Variants in RFTN1 observed in about 807,000 individuals in gnomAD.
The protein encoded by RFTN1 is raftlin.
A neutral mutation model predicts 46.5 loss-of-function variants in RFTN1; 26 were observed. That is an observed-to-expected ratio of 0.56 (90% CI 0.41 to 0.78). The LOEUF is 0.78. Ranked by LOEUF, RFTN1 falls within the 30% of genes least tolerant of loss-of-function variation. RFTN1 has a pLI of 0.00. For missense variants in RFTN1, 693 were observed against 718.7 expected (o/e 0.96, Z 0.41); for synonymous variants, 261 against 284.2 (o/e 0.92, Z 0.82).
chr3:16,412,127 A>T (rs1358516566), intron 3 of RFTN1, among the ~76,000 whole-genome samples: 1 of 152,198 alleles, frequency 6.6e-6, no homozygotes, highest in Non-Finnish European at 1.5e-5. Context: ...GGCATTACAA[A>T]TTTTTTAGAT....
chr3:16,349,518 G>GT (rs774603449), intron 7 of RFTN1: 1 of 152,174 alleles, frequency 6.6e-6, no homozygotes, highest in Non-Finnish European at 1.5e-5. Flanking sequence ...ATGAGATGAG[G>GT]TATGTGAACT....
intron 2 of RFTN1, among the ~76,000 whole-genome samples, chr3:16,476,129 A>C (rs1204138525): frequency 6.6e-6 from 1 of 152,192 alleles, no homozygotes; most frequent in Non-Finnish European, 1.5e-5. Flanking sequence ...TGGGGCGAGG[A>C]CTGTGCAAAC....
chr3:16,379,072 G>A (rs199647125), intron 4 of RFTN1, among the ~76,000 whole-genome samples: 3 of 152,188 alleles, frequency 2.0e-5, no homozygotes, highest in East Asian at 1.9e-4. Flanking sequence ...TAAATAAGGC[G>A]GTGCAGACCT....
rs2071541002 is a variant in RFTN1, at chr3:16,344,919, T to C, written c.1146+13013A>G. ...ACTGATTTAATATACTTCAGTTCTC[T>C]CTGGAGAACCATTTGCCCTCTCTTC... is the stretch of plus-strand genomic sequence containing the variant. On this transcript the variant is annotated intron_variant, in intron 7 of 9. Coordinates refer to ENST00000334133, the MANE Select transcript of RFTN1 (RefSeq NM_015150.2). This position sits in a 1 kb window ranked among gnomAD's most constrained non-coding sequence, Gnocchi z 4.4. Among the ~76,000 whole-genome samples the C allele has an allele frequency of 1.3e-5, 2 of 152,234 alleles. No homozygotes were observed. The highest frequency in any genetic ancestry group is 4.8e-5 in the African/African-American group (2 of 41,456).
At chr3:16,487,315 G>A (rs923439851) in intron 2 of RFTN1, among the ~76,000 whole-genome samples, 5 of 152,178 alleles carry the variant, frequency 3.3e-5, no homozygotes, top group Non-Finnish European at 7.3e-5. Flanking sequence ...ATGAACCTAA[G>A]GGCAAATCTT....
chr3:16,345,788 CTGTGTGTG>C lies in RFTN1; in HGVS notation c.1146+12136_1146+12143del, dbSNP rs370820242. ...TGAGCCAAAACCTTATAATAAATCT[CTGTGTGTG>C]TGTGTGTGTGTGTGTGTGTGTGCGC... On this transcript the variant is annotated intron_variant, in intron 7 of 9. Coordinates refer to ENST00000334133, the MANE Select transcript of RFTN1 (RefSeq NM_015150.2). This position sits in a 1 kb window ranked among gnomAD's most constrained non-coding sequence, Gnocchi z 5.2. 2.6e-4 allele frequency among the ~76,000 whole-genome samples: 33 copies of C among 127,174 alleles called. No individual in the cohort carries two copies. Among genetic ancestry groups the C allele is most frequent in the Non-Finnish European group, 3.4e-4 (20 of 58,644 alleles). The allele number at this position is 127,174 out of a possible 152,430, so 83.4% of individuals were successfully genotyped here. A position where few individuals can be genotyped will look rare whatever the true frequency, so the allele number is the denominator to read the frequency against.
Position 16,384,123 on chromosome 3 carries a change from T to C in RFTN1, c.442-6021A>G, listed in dbSNP as rs912219736. Among the ~76,000 whole-genome samples, 3 of 152,234 alleles carry C rather than the reference T, an allele frequency of 2.0e-5. No homozygotes were observed. Among genetic ancestry groups the C allele is most frequent in the African/African-American group, 7.2e-5 (3 of 41,470 alleles). On this transcript the variant is annotated intron_variant, in intron 4 of 9. Coordinates refer to ENST00000334133, the MANE Select transcript of RFTN1 (RefSeq NM_015150.2). This position sits in a 1 kb window ranked among gnomAD's most constrained non-coding sequence, Gnocchi z 4.7. ...AGATTTCCCAAAGGAAAAAGAATTC[T>C]GCCTCTGGACTGCAACACAGAAATT...
rs373765238 is a variant in RFTN1 at position 16,419,663 on chromosome 3, T to C, written c.333-10180A>G. On this transcript the variant is annotated intron_variant, in intron 3 of 9. Transcript: ENST00000334133. Reference sequence around the variant, plus strand: ...ACAATGAGCCTGTTGGAGTTAAAAGTTTCCCCTATAGCAAAACTGAAGAAA... The same window carrying C: ...ACAATGAGCCTGTTGGAGTTAAAAGCTTCCCCTATAGCAAAACTGAAGAAA... Among the ~76,000 whole-genome samples, 19 of 152,286 alleles carry C rather than the reference T, an allele frequency of 1.2e-4. No homozygotes were observed. The East Asian group carries it at 1.5e-3, about 12-fold the overall frequency.
intron 2 of RFTN1, among the ~76,000 whole-genome samples, chr3:16,477,470 A>G (rs150736335): frequency 6.4e-4 from 98 of 152,354 alleles, no homozygotes; most frequent in African/African-American, 2.3e-3. Context: ...TTTGATGCTT[A>G]TTTTTAGAGA....
chr3:16,321,504 A>C lies in RFTN1; in HGVS notation c.1332+1872T>G, dbSNP rs921428489. On this transcript the variant is annotated intron_variant, in intron 9 of 9. Coordinates refer to ENST00000334133, the MANE Select transcript of RFTN1 (RefSeq NM_015150.2). The surrounding 1 kb of genome is among the most constrained non-coding windows in gnomAD (Gnocchi z 4.8). ...TCACCAGGGGACACAGGCCTGTGGG[A>C]GTAGGACGCTGACCCTTGTCAGCTG... 5.9e-5 allele frequency among the ~76,000 whole-genome samples: 9 copies of C among 152,080 alleles called. No homozygotes were observed. Among genetic ancestry groups the C allele is most frequent in the Admixed American group, 1.3e-4 (2 of 15,284 alleles).
intron 4 of RFTN1, among the ~76,000 whole-genome samples, chr3:16,404,430 TTTTG>T (rs1328290724): frequency 2.6e-5 from 3 of 114,838 alleles, no homozygotes; most frequent in Non-Finnish European, 5.2e-5. Context: ...TATACATATA[TTTTG>T]TTTTTCTCCT....
At position 16,460,542 on chromosome 3, in the gene RFTN1, C is replaced by T. The variant is rs1383533044; in HGVS notation, c.146-26505G>A. ...TTGGATCAATGACGTCAACAACCAA[C>T]GCCGCTGTCCAAAACCAAAACCTCA... is the stretch of plus-strand genomic sequence containing the variant. On this transcript the variant is annotated intron_variant, in intron 2 of 9. Coordinates refer to ENST00000334133, the MANE Select transcript of RFTN1 (RefSeq NM_015150.2). The surrounding 1 kb of genome is among the most constrained non-coding windows in gnomAD (Gnocchi z 4.8). Among the ~76,000 whole-genome samples the T allele has an allele frequency of 2.6e-5, 4 of 152,130 alleles. No individual in the cohort carries two copies. Among genetic ancestry groups the T allele is most frequent in the South Asian group, 2.1e-4 (1 of 4,822 alleles).
In RFTN1 at chr3:16,353,268, G is replaced by C. The variant is rs1019148012; in HGVS notation, c.1146+4664C>G. Among the ~76,000 whole-genome samples, 4 of 152,168 alleles carry C rather than the reference G, an allele frequency of 2.6e-5. No homozygotes were observed. Among genetic ancestry groups the C allele is most frequent in the Non-Finnish European group, 5.9e-5 (4 of 68,022 alleles). The stretch of plus-strand genomic sequence containing the variant: ...AAAGGGTGGGGAAAAGAAGTAGCTG[G>C]GTCTCAAGGGTAGAAGACGTGAGAG... On this transcript the variant is annotated intron_variant, in intron 7 of 9. Transcript: ENST00000334133. This position sits in a 1 kb window ranked among gnomAD's most constrained non-coding sequence, Gnocchi z 5.4.
chr3:16,402,292 A>G lies in RFTN1; in HGVS notation c.441+7083T>C, dbSNP rs1277664663. Among the ~76,000 whole-genome samples, 1 of 152,144 alleles carries G rather than the reference A, an allele frequency of 6.6e-6. No individual in the cohort carries two copies. The highest frequency in any genetic ancestry group is 2.4e-5 in the African/African-American group (1 of 41,410). ...TCGACGCTTATGTATTAAGTCCTGA[A>G]GACACAACAGTAAGCAGGGTACCCC... On this transcript the variant is annotated intron_variant, in intron 4 of 9. Coordinates refer to ENST00000334133, the MANE Select transcript of RFTN1 (RefSeq NM_015150.2). This position sits in a 1 kb window ranked among gnomAD's most constrained non-coding sequence, Gnocchi z 4.5.
At chr3:16,431,934 C>T (rs537275445) in intron 3 of RFTN1, among the ~76,000 whole-genome samples, 2 of 152,328 alleles carry the variant, frequency 1.3e-5, no homozygotes, top group South Asian at 4.1e-4. Context: ...AGACAGCCTT[C>T]CTGGGAGCAA....
intron 2 of RFTN1, among the ~76,000 whole-genome samples, chr3:16,463,199 A>G (rs1276792971): frequency 6.6e-6 from 1 of 152,146 alleles, no homozygotes; most frequent in African/African-American, 2.4e-5. Flanking sequence ...TCTCTTACAA[A>G]TCTGGGGAAA....
chr3:16,408,239 C>T (rs1559331341), intron 4 of RFTN1, among the ~76,000 whole-genome samples: 1 of 152,228 alleles, frequency 6.6e-6, no homozygotes, highest in Admixed American at 6.5e-5. Context: ...CCAAAGACAC[C>T]CCGTCATCCT....
In RFTN1 at chr3:16,506,243, A is replaced by C. The variant is rs2076803740; in HGVS notation, c.-9+7199T>G. 6.6e-6 allele frequency among the ~76,000 whole-genome samples: 1 copy of C among 152,092 alleles called. No homozygotes were observed. The highest frequency in any genetic ancestry group is 2.4e-5 in the African/African-American group (1 of 41,396). ...GGATAAGGGGGAGGGTGGGCTAGGC[A>C]AGGCAGTGGCAGGTGCAAACAAGCT... On this transcript the variant is annotated intron_variant, in intron 1 of 9. Coordinates refer to ENST00000334133, the MANE Select transcript of RFTN1 (RefSeq NM_015150.2). This position sits in a 1 kb window ranked among gnomAD's most constrained non-coding sequence, Gnocchi z 4.8.
intron 3 of RFTN1, among the ~76,000 whole-genome samples, chr3:16,431,889 G>A (rs1488156014): frequency 1.3e-5 from 2 of 152,176 alleles, no homozygotes; most frequent in Non-Finnish European, 2.9e-5. Flanking sequence ...AACTCAGCAC[G>A]TGCTTCATGC....
Sources: gnomAD v4.1 joint callset for allele counts (sites outside exome capture counted in the v4.1 genomes callset) on GRCh38, gnomAD v4.1.1 for gene constraint, Gnocchi (gnomAD v3.1) non-coding constraint, MANE v1.5 for transcripts, NCBI Gene and HGNC (gene_info 2026-07-23, HGNC 2026-07-21) for gene names.